The following GPC5 variants were observed in gnomAD, a reference collection of about 807,000 sequenced individuals.
GPC5 encodes glypican 5.
Under a neutral mutation model 53.9 loss-of-function variants are expected in GPC5, and 47 were observed. The ratio of observed to expected loss-of-function variants is 0.87; its 90% CI spans 0.69 to 1.11. The LOEUF (loss-of-function observed/expected upper bound fraction) is 1.11, where lower values mean the gene tolerates loss of function less well. Ranked by LOEUF, GPC5 falls within the 50% of genes most tolerant of loss-of-function variation. The probability of loss-of-function intolerance (pLI) is 0.00; values close to 1 mark genes in which losing one functional copy is unlikely to be tolerated. For missense variants in GPC5, 748 were observed against 713.1 expected, an observed-to-expected ratio of 1.05 and a Z score of -0.56; for synonymous variants, 286 against 263.3, an observed-to-expected ratio of 1.09 and a Z score of -0.84.
At chr13:92,105,362 C>G (rs1381449321) in intron 6 of GPC5, among the ~76,000 whole-genome samples, 2 of 151,942 alleles carry the variant, frequency 1.3e-5, no homozygotes, top group Non-Finnish European at 2.9e-5. Flanking sequence ...GTTTAATAAG[C>G]AAAATAATAG....
chr13:91,874,174 C>T (rs2039177649), intron 5 of GPC5, among the ~76,000 whole-genome samples: 1 of 152,114 alleles, frequency 6.6e-6, no homozygotes, highest in African/African-American at 2.4e-5. Context: ...CAGTTTAGGC[C>T]TCCTGTCCTA....
intron 7 of GPC5, among the ~76,000 whole-genome samples, chr13:92,799,476 T>C (rs1027473970): frequency 2.6e-5 from 4 of 151,788 alleles, no homozygotes; most frequent in Non-Finnish European, 5.9e-5. Context: ...TAAGAAATGG[T>C]GCATGTGGCA....
intron 7 of GPC5, among the ~76,000 whole-genome samples, chr13:92,382,895 C>G (rs867827729): frequency 1.3e-5 from 2 of 150,098 alleles, no homozygotes; most frequent in Non-Finnish European, 3.0e-5. Context: ...CCCAGCTACT[C>G]GGGAGGCTGA....
At chr13:91,814,525 CTTTATTTA>C (rs140584837) in intron 5 of GPC5, among the ~76,000 whole-genome samples, 22 of 150,964 alleles carry the variant, frequency 1.5e-4, no homozygotes, top group Non-Finnish European at 2.8e-4. Flanking sequence ...TATTCTGCAA[CTTTATTTA>C]TTTATTTATT....
intron 3 of GPC5, among the ~76,000 whole-genome samples, chr13:91,721,434 C>T (rs955948023): frequency 6.6e-5 from 10 of 152,308 alleles, no homozygotes; most frequent in South Asian, 6.2e-4. Context: ...CGTGCCCAGC[C>T]TCTTGTCCAT....
chr13:91,653,381 G>A (rs1195174115), intron 2 of GPC5, among the ~76,000 whole-genome samples: 1 of 152,112 alleles, frequency 6.6e-6, no homozygotes, highest in Non-Finnish European at 1.5e-5. Flanking sequence ...GCCTGGGAAG[G>A]GTAGTAGGGG....
intron 7 of GPC5, among the ~76,000 whole-genome samples, chr13:92,862,779 G>A (rs896169692): frequency 5.3e-5 from 8 of 152,054 alleles, no homozygotes; most frequent in Admixed American, 3.9e-4. Context: ...ATAAATGAAC[G>A]AGCAAATTAA....
chr13:92,251,391 G>A (rs1276743874), intron 7 of GPC5, among the ~76,000 whole-genome samples: 1 of 152,050 alleles, frequency 6.6e-6, no homozygotes, highest in Non-Finnish European at 1.5e-5. Context: ...ATAAATGAAA[G>A]CTTATTTGGG....
At chr13:91,404,942 C>T (rs1193104377) in intron 1 of GPC5, among the ~76,000 whole-genome samples, 2 of 152,116 alleles carry the variant, frequency 1.3e-5, no homozygotes, top group Non-Finnish European at 2.9e-5. Flanking sequence ...CATGGCTTTT[C>T]CAATTATGAA....
intron 4 of GPC5, among the ~76,000 whole-genome samples, chr13:91,743,155 A>G (rs1302386146): frequency 6.6e-6 from 1 of 152,070 alleles, no homozygotes; most frequent in East Asian, 1.9e-4. Flanking sequence ...TTCTCCCAAC[A>G]AGTGAATCTT....
At chr13:92,147,083 T>C (rs894996974) in intron 7 of GPC5, among the ~76,000 whole-genome samples, 3 of 152,102 alleles carry the variant, frequency 2.0e-5, no homozygotes, top group Non-Finnish European at 4.4e-5. Flanking sequence ...AAAAAGATAC[T>C]ATGTCATTAT....
intron 5 of GPC5, among the ~76,000 whole-genome samples, chr13:91,790,309 G>T (rs2037944605): frequency 6.6e-6 from 1 of 152,060 alleles, no homozygotes; most frequent in South Asian, 2.1e-4. Context: ...AAGGTCATTT[G>T]CCCAAGGCAT....
At chr13:92,740,122 C>T (rs985013134) in intron 7 of GPC5, among the ~76,000 whole-genome samples, 1 of 151,980 alleles carries the variant, frequency 6.6e-6, no homozygotes, top group East Asian at 1.9e-4. Flanking sequence ...CATGCCAAGC[C>T]TCCTCCCTTC....
chr13:91,921,321 C>T (rs1018956706), intron 6 of GPC5, among the ~76,000 whole-genome samples: 6 of 151,978 alleles, frequency 3.9e-5, no homozygotes, highest in Non-Finnish European at 8.8e-5. Flanking sequence ...GTCCAGGAAA[C>T]ATAACATTGA....
chr13:91,636,345 A>G (rs1296124326), intron 2 of GPC5, among the ~76,000 whole-genome samples: 2 of 151,700 alleles, frequency 1.3e-5, no homozygotes, highest in African/African-American at 2.4e-5. Context: ...TCCTATTTTC[A>G]TTAAAAACAT....
chr13:92,450,287 A>T (rs1878007254), intron 7 of GPC5, among the ~76,000 whole-genome samples: 1 of 152,208 alleles, frequency 6.6e-6, no homozygotes, highest in South Asian at 2.1e-4. Flanking sequence ...TTCATATGTT[A>T]GATTGATGCA....
intron 2 of GPC5, among the ~76,000 whole-genome samples, chr13:91,595,974 A>G (rs2032980433): frequency 6.6e-6 from 1 of 152,008 alleles, no homozygotes; most frequent in African/African-American, 2.4e-5. Flanking sequence ...TTAATTGTGG[A>G]TTTTTCCTTT....
chr13:92,606,425 T>C (rs973293650), intron 7 of GPC5, among the ~76,000 whole-genome samples: 1 of 152,194 alleles, frequency 6.6e-6, no homozygotes, highest in African/African-American at 2.4e-5. Flanking sequence ...ACTCATCCTT[T>C]TTTATGGCTG....
intron 7 of GPC5, among the ~76,000 whole-genome samples, chr13:92,614,528 T>A (rs1884617683): frequency 1.3e-5 from 2 of 152,178 alleles, no homozygotes; most frequent in Admixed American, 1.3e-4. Flanking sequence ...AAGTTGGAGA[T>A]CATCTGTATT....
Sources: allele counts gnomAD v4.1 joint callset (sites outside exome capture counted in the v4.1 genomes callset), GRCh38; gene constraint gnomAD v4.1.1; transcripts MANE v1.5; gene names NCBI Gene and HGNC (gene_info 2026-07-23, HGNC 2026-07-21).